The following MYH10 variants were observed in gnomAD, a reference collection of about 807,000 sequenced individuals.
MYH10 encodes the protein myosin heavy chain 10, also known as myosin-10.
MYH10 carries 55 observed loss-of-function variants against 257.8 expected under a neutral mutation model. The ratio of observed to expected loss-of-function variants is 0.21; its 90% CI spans 0.17 to 0.27. MYH10 has a LOEUF of 0.27. Among genes scored for constraint, MYH10 ranks in the 10% least tolerant of loss-of-function variants. The pLI is 1.00. For synonymous variants in MYH10, 854 were observed against 921.7 expected (o/e 0.93, Z 1.33); for missense variants, 1,631 against 2,500.6 (o/e 0.65, Z 7.42).
At chr17:8,488,524 A>T (rs1915241453) in intron 35 of MYH10, among the ~76,000 whole-genome samples, 2 of 152,246 alleles carry the variant, frequency 1.3e-5, no homozygotes, top group Non-Finnish European at 1.5e-5. Flanking sequence ...ATACCTTAAT[A>T]AATACCTGCA....
chr17:8,510,040 ATTTT>A (rs35193113), intron 24 of MYH10, 91 bp from the exon 25 acceptor site: 14 of 910,874 alleles, frequency 1.5e-5, no homozygotes, highest in Admixed American at 1.3e-4. Context: ...TGAGATACTA[ATTTT>A]TTTTTTTTTT....
intron 4 of MYH10, among the ~76,000 whole-genome samples, chr17:8,577,908 TG>T (rs34958948): frequency 3.3e-5 from 5 of 151,480 alleles, no homozygotes; most frequent in Non-Finnish European, 5.9e-5. Context: ...CCCTTGGGGG[TG>T]GGGGGGTTCT....
intron 7 of MYH10, among the ~76,000 whole-genome samples, chr17:8,568,801 G>C (rs143422066): frequency 6.4e-4 from 97 of 152,020 alleles, no homozygotes; most frequent in African/African-American, 2.2e-3. Flanking sequence ...GGGTGGAAAG[G>C]GGCAGTGTCT....
At chr17:8,531,556 C>T (rs1371315134) in intron 16 of MYH10, among the ~76,000 whole-genome samples, 1 of 143,768 alleles carries the variant, frequency 7.0e-6, no homozygotes, top group Non-Finnish European at 1.5e-5. Flanking sequence ...TTTTCTTTTT[C>T]TTTTTTTTTT....
In MYH10 at chr17:8,623,483, G is replaced by GT. The variant is rs529374822; in HGVS notation, c.-31-207dup. The GT allele has an allele frequency of 7.4e-4, 245 of 333,168 alleles. 1 individual carries two copies. The highest frequency in any genetic ancestry group is 4.8e-3 in the African/African-American group (223 of 46,686). 20.6% of individuals were successfully genotyped at this position (333,168 alleles called of 1,614,324 possible). On this transcript the variant is annotated intron_variant, in intron 1 of 42. Coordinates refer to ENST00000360416, the MANE Select transcript of MYH10 (RefSeq NM_001256012.3). ...AATTATGGCTCTGGTTGTCTGATGG[G>GT]TTTGCCCTCAGTTACTGAGGGCAAA...
intron 34 of MYH10, among the ~76,000 whole-genome samples, chr17:8,491,059 C>G (rs1915685718): frequency 6.6e-6 from 1 of 152,216 alleles, no homozygotes; most frequent in Non-Finnish European, 1.5e-5. Flanking sequence ...AAAGATGCCC[C>G]CAGCACCATT....
At chr17:8,565,963 C>G (rs562503088) in intron 7 of MYH10, among the ~76,000 whole-genome samples, 25 of 152,232 alleles carry the variant, frequency 1.6e-4, no homozygotes, top group African/African-American at 6.0e-4. Context: ...TTTGAAGGAA[C>G]GATCTAGAGC....
intron 7 of MYH10, among the ~76,000 whole-genome samples, chr17:8,565,594 G>A (rs1008681695): frequency 6.6e-6 from 1 of 152,164 alleles, no homozygotes. Flanking sequence ...TGAAAGCTAC[G>A]TCTAAGAACA....
chr17:8,500,047 G>C (rs556156226), intron 29 of MYH10, among the ~76,000 whole-genome samples: 2 of 152,216 alleles, frequency 1.3e-5, no homozygotes, highest in Non-Finnish European at 2.9e-5. Flanking sequence ...GGGAATTATA[G>C]GAGACTGTGC....
chr17:8,475,193 G>C lies in MYH10; in HGVS notation c.*611C>G, dbSNP rs955948743. The C allele has an allele frequency of 2.0e-5, 3 of 152,998 alleles. No homozygotes were observed. The highest frequency in any genetic ancestry group is 4.8e-5 in the African/African-American group (2 of 41,462). 9.5% of individuals were successfully genotyped at this position (152,998 alleles called of 1,614,324 possible). Reference sequence around the variant, plus strand: ...CGACTCGAGGGGCAGGGCCCCCCTTGGGGGATGGACATGGTAACCCCAAAT... The same window carrying C: ...CGACTCGAGGGGCAGGGCCCCCCTTCGGGGATGGACATGGTAACCCCAAAT... On this transcript the variant is annotated 3_prime_UTR_variant, in exon 43 of 43. Coordinates refer to ENST00000360416, the MANE Select transcript of MYH10 (RefSeq NM_001256012.3).
intron 21 of MYH10, among the ~76,000 whole-genome samples, chr17:8,515,646 G>A (rs901681539): frequency 1.4e-5 from 2 of 145,382 alleles, no homozygotes; most frequent in Non-Finnish European, 3.0e-5. Flanking sequence ...GGGCTCAAGC[G>A]ATTCTCATGC....
intron 7 of MYH10, among the ~76,000 whole-genome samples, chr17:8,568,191 G>T (rs908055668): frequency 6.6e-6 from 1 of 152,140 alleles, no homozygotes; most frequent in Non-Finnish European, 1.5e-5. Flanking sequence ...GCACGCAGCC[G>T]AACTTGGGTT....
At chr17:8,589,277 C>T (rs2084030659) in intron 3 of MYH10, among the ~76,000 whole-genome samples, 169 bp from the exon 4 acceptor site, 1 of 138,852 alleles carries the variant, frequency 7.2e-6, no homozygotes, top group Non-Finnish European at 1.5e-5. Context: ...TCTAATCAAA[C>T]CCCCTCATAT....
chr17:8,484,735 C>G (rs533758809), intron 36 of MYH10, among the ~76,000 whole-genome samples: 1 of 152,306 alleles, frequency 6.6e-6, no homozygotes, highest in Non-Finnish European at 1.5e-5. Flanking sequence ...TGAAGAAGCA[C>G]TTGACAAAAT....
rs1233295505 is a variant in MYH10 at position 8,571,214 on chromosome 17, G to A, written c.664-1402C>T. 1.6e-4 allele frequency among the ~76,000 whole-genome samples: 22 copies of A among 139,666 alleles called. 1 individual carries two copies. Among genetic ancestry groups the A allele is most frequent in the East Asian group, 2.1e-4 (1 of 4,786 alleles). The allele number at this position is 139,666 out of a possible 152,430, so 91.6% of individuals were successfully genotyped here. A position where few individuals can be genotyped will look rare whatever the true frequency, so the allele number is the denominator to read the frequency against. On this transcript the variant is annotated intron_variant, in intron 6 of 42. Coordinates refer to ENST00000360416, the MANE Select transcript of MYH10 (RefSeq NM_001256012.3). The stretch of plus-strand genomic sequence containing the variant: ...TTTTGAGACGGAGACTCACTCTGTC[G>A]CCCAGGCTGGAGTGCAGTGGCGCGA...
Position 8,477,699 on chromosome 17 carries a change from T to A in MYH10, c.5706+639A>T, listed in dbSNP as rs1890684502. On this transcript the variant is annotated intron_variant, in intron 41 of 42. Transcript: ENST00000360416. The surrounding 1 kb of genome is among the most constrained non-coding windows in gnomAD (Gnocchi z 4.2). The stretch of plus-strand genomic sequence containing the variant: ...ACTGAATGAATGAAGTTGGGGAGGG[T>A]TCGGGCCAAAGGCAGTGAAATCCTC... 6.6e-6 allele frequency among the ~76,000 whole-genome samples: 1 copy of A among 151,998 alleles called. No homozygotes were observed. The highest frequency in any genetic ancestry group is 2.4e-5 in the African/African-American group (1 of 41,352).
intron 7 of MYH10, among the ~76,000 whole-genome samples, chr17:8,558,417 T>C (rs541867992): frequency 3.2e-4 from 48 of 152,236 alleles, no homozygotes; most frequent in Non-Finnish European, 5.1e-4. Flanking sequence ...AATCTTAGTG[T>C]TTACCACATA....
rs775863860 is a variant in MYH10 at position 8,520,960 on chromosome 17, G to A, written c.2191C>T (p.Arg731Cys). The change falls in exon 19 of 43, where the codon CGC becomes TGC. Residue 731 changes from arginine to cysteine, a missense_variant. Around this residue, in one of 11 missense-constraint regions of MYH10, gnomAD observed 7 missense variants for 46.7 expected, o/e 0.15. Coordinates refer to ENST00000360416, the MANE Select transcript of MYH10 (RefSeq NM_001256012.3). The part of the protein sequence containing the change: ...LDPHLVLDQL[R>C]CNGVLEGIRI... ...ATCCCTTCCAGGACACCGTTACAGCGAAGCTGATCTAGGACTAGGTGTGGA... is the reference window on the plus strand; with the variant it reads ...ATCCCTTCCAGGACACCGTTACAGCAAAGCTGATCTAGGACTAGGTGTGGA... The A allele has an allele frequency of 6.8e-6, 11 of 1,613,648 alleles. No individual in the cohort carries two copies. In the Admixed American group the frequency reaches 8.3e-5, roughly 12 times the overall value.
At position 8,612,626 on chromosome 17, in the gene MYH10, G is replaced by A. The variant is rs138372814; in HGVS notation, c.346-7644C>T. Among the ~76,000 whole-genome samples the A allele has an allele frequency of 1.1e-3, 173 of 152,264 alleles. 3 individuals are homozygous for A. Among genetic ancestry groups the A allele is most frequent in the African/African-American group, 4.0e-3 (167 of 41,576 alleles). ...AGCACTTTGGGAGGCCAAGGAGGGG[G>A]CAGATCACGAGGTCAGGAGTTCAAA... On this transcript the variant is annotated intron_variant, in intron 2 of 42. Transcript: ENST00000360416.
Sources: gnomAD v4.1 joint callset for allele counts (sites outside exome capture counted in the v4.1 genomes callset) on GRCh38, gnomAD v4.1.1 for gene constraint, gnomAD v4.1.1 regional missense constraint, Gnocchi (gnomAD v3.1) non-coding constraint, MANE v1.5 for transcripts, NCBI Gene and HGNC (gene_info 2026-07-23, HGNC 2026-07-21) for gene names.